Variants in CCDC169 observed in about 807,000 individuals in gnomAD.
CCDC169 encodes coiled-coil domain-containing protein 169.
Under a neutral mutation model 36.0 loss-of-function variants are expected in CCDC169, and 30 were observed. The observed-to-expected ratio is 0.83, with a 90% CI of 0.62 to 1.13. The LOEUF (loss-of-function observed/expected upper bound fraction) is 1.13, where lower values mean the gene tolerates loss of function less well. CCDC169 is among the 50% of genes most tolerant of loss of function. CCDC169 has a pLI of 0.00. For missense variants in CCDC169, 245 were observed against 245.9 expected, an observed-to-expected ratio of 1.00 and a Z score of 0.03; for synonymous variants, 85 against 81.5, an observed-to-expected ratio of 1.04 and a Z score of -0.23.
In CCDC169 at chr13:36,237,069, G is replaced by GTAT. The variant is rs144792651; in HGVS notation, c.546-5780_546-5778dup. On this transcript the variant is annotated intron_variant, in intron 7 of 7. Transcript: ENST00000239859. ...TTTTTAAAAATTATTTATTATTATT[G>GTAT]TATTATTATTATTATTATTTTCCCC... 6.0e-5 allele frequency among the ~76,000 whole-genome samples: 9 copies of GTAT among 151,012 alleles called. No homozygotes were observed. The East Asian group carries it at 1.4e-3, about 23-fold the overall frequency.
chr13:36,293,066 C>CTGAGAGTG (rs1879097719), intron 2 of CCDC169, among the ~76,000 whole-genome samples: 2 of 151,776 alleles, frequency 1.3e-5, no homozygotes, highest in South Asian at 4.2e-4. Context: ...AGCTCATTAC[C>CTGAGAGTG]TGAGAGTGTG....
chr13:36,243,564 T>C (rs1179572280), intron 7 of CCDC169, among the ~76,000 whole-genome samples: 1 of 151,926 alleles, frequency 6.6e-6, no homozygotes, highest in African/African-American at 2.4e-5. Flanking sequence ...CCCAGCACCT[T>C]GGAAGGCCAA....
Position 36,242,035 on chromosome 13 carries a change from G to A in CCDC169, c.545+6571C>T, listed in dbSNP as rs184059424. Among the ~76,000 whole-genome samples, 12 of 152,096 alleles carry A rather than the reference G, an allele frequency of 7.9e-5. No homozygotes were observed. In the East Asian group the frequency reaches 9.7e-4, roughly 12 times the overall value. On this transcript the variant is annotated intron_variant, in intron 7 of 7. Transcript: ENST00000239859. The stretch of plus-strand genomic sequence containing the variant: ...TGAAGAAGGCACTTGCTTCCCCTTC[G>A]CCCTTCCACCATGGTTGTAAGTTTC...
intron 4 of CCDC169, among the ~76,000 whole-genome samples, chr13:36,272,280 A>G (rs1304059225): frequency 2.0e-5 from 3 of 151,714 alleles, no homozygotes; most frequent in Admixed American, 6.6e-5. Context: ...TTGAAAAAAG[A>G]CATCAGGGAA....
intron 1 of CCDC169, among the ~76,000 whole-genome samples, chr13:36,297,283 T>C (rs1209386742): frequency 6.6e-6 from 1 of 152,024 alleles, no homozygotes; most frequent in Non-Finnish European, 1.5e-5. Flanking sequence ...AAACCCCGTA[T>C]AACTAAATAA....
Position 36,232,194 on chromosome 13 carries a change from G to A in CCDC169, c.546-902C>T, listed in dbSNP as rs370863460. On this transcript the variant is annotated intron_variant, in intron 7 of 7. Coordinates refer to ENST00000239859, the MANE Select transcript of CCDC169 (RefSeq NM_001144981.3). ...CATGGTAGCCTTGAAAACCAACAGCGCACAATTGCAGTGAAAACTCAGTAG... is the reference window on the plus strand; with the variant it reads ...CATGGTAGCCTTGAAAACCAACAGCACACAATTGCAGTGAAAACTCAGTAG... Among the ~76,000 whole-genome samples, 30 of 152,268 alleles carry A rather than the reference G, an allele frequency of 2.0e-4. No homozygotes were observed. In the East Asian group the frequency reaches 3.9e-3, roughly 20 times the overall value.
Position 36,238,342 on chromosome 13 carries a change from C to T in CCDC169, c.546-7050G>A, listed in dbSNP as rs189786905. 2.7e-3 allele frequency among the ~76,000 whole-genome samples: 410 copies of T among 152,246 alleles called. 4 individuals are homozygous for T. Among genetic ancestry groups the T allele is most frequent in the African/African-American group, 9.3e-3 (385 of 41,540 alleles). On this transcript the variant is annotated intron_variant, in intron 7 of 7. Coordinates refer to ENST00000239859, the MANE Select transcript of CCDC169 (RefSeq NM_001144981.3). ...AATGCAGTGGCACGAACATAGCTCA[C>T]GGCAGCCTTCAACTCCTGGGCTCAA...
At position 36,231,158 on chromosome 13, in the gene CCDC169, A is replaced by G; in HGVS notation, c.*35T>C. The G allele has an allele frequency of 4.6e-6, 7 of 1,537,226 alleles. No individual in the cohort carries two copies. Among genetic ancestry groups the G allele is most frequent in the Non-Finnish European group, 6.1e-6 (7 of 1,142,952 alleles). On this transcript the variant is annotated 3_prime_UTR_variant, in exon 8 of 8. Coordinates refer to ENST00000239859, the MANE Select transcript of CCDC169 (RefSeq NM_001144981.3). ...AACTTGAATATTATAAATGGAAAAAAAAAGGAAGAAATAGAAATCCATCCA... is the reference window on the plus strand; with the variant it reads ...AACTTGAATATTATAAATGGAAAAAGAAAGGAAGAAATAGAAATCCATCCA...
At position 36,297,734 on chromosome 13, in the gene CCDC169, G is replaced by C; in HGVS notation, c.-15C>G. On this transcript the variant is annotated 5_prime_UTR_variant, in exon 1 of 8. Coordinates refer to ENST00000239859, the MANE Select transcript of CCDC169 (RefSeq NM_001144981.3). Reference sequence around the variant, plus strand: ...TCTTCCTTCATAGTGTCAGGCCAGAGACCTCCCGCGTCTTTCCCCTCAGCA... The same window carrying C: ...TCTTCCTTCATAGTGTCAGGCCAGACACCTCCCGCGTCTTTCCCCTCAGCA... The C allele has an allele frequency of 6.5e-7, 1 of 1,550,318 alleles. No homozygotes were observed. The highest frequency in any genetic ancestry group is 1.2e-5 in the South Asian group (1 of 84,058).
chr13:36,262,427 T>C (rs1420101124), intron 4 of CCDC169, among the ~76,000 whole-genome samples: 4 of 152,234 alleles, frequency 2.6e-5, no homozygotes, highest in African/African-American at 7.2e-5. Context: ...AGTCTCCTAC[T>C]GGCCCTGTCC....
At chr13:36,295,258 C>G (rs1275130809) in intron 2 of CCDC169, among the ~76,000 whole-genome samples, 1 of 152,154 alleles carries the variant, frequency 6.6e-6, no homozygotes, top group East Asian at 1.9e-4. Flanking sequence ...CTCTTTAGAA[C>G]AGGGAAAACA....
downstream of CCDC169, chr13:36,224,517 T>C (rs1235324931): frequency 6.6e-6 from 1 of 152,082 alleles, no homozygotes; most frequent in Non-Finnish European, 1.5e-5. Context: ...AAATCGAGAA[T>C]GCAATCCAAT....
At chr13:36,248,703 T>C in intron 6 of CCDC169, 21 bp from the exon 7 acceptor site, 1 of 1,544,646 alleles carries the variant, frequency 6.5e-7, no homozygotes, top group Non-Finnish European at 8.8e-7. Context: ...AAAATTTGAG[T>C]GTTTATCCCC....
At chr13:36,297,095 G>C (rs1879597717) in intron 1 of CCDC169, among the ~76,000 whole-genome samples, 1 of 152,214 alleles carries the variant, frequency 6.6e-6, no homozygotes, top group African/African-American at 2.4e-5. Flanking sequence ...GCACAAAGGA[G>C]AGTCCAATTC....
downstream of CCDC169, among the ~76,000 whole-genome samples, chr13:36,227,802 C>T (rs1452878715): frequency 6.6e-6 from 1 of 152,162 alleles, no homozygotes; most frequent in Non-Finnish European, 1.5e-5. Context: ...GAATCCTGTA[C>T]CTATTAGCAG....
intron 4 of CCDC169, among the ~76,000 whole-genome samples, chr13:36,261,627 C>T (rs1470734526): frequency 6.6e-6 from 1 of 152,110 alleles, no homozygotes; most frequent in East Asian, 1.9e-4. Context: ...GGTTGATATC[C>T]AAGACTGGCA....
In CCDC169 at chr13:36,275,014, G is replaced by A. The variant is rs945036496; in HGVS notation, c.315+8455C>T. 3.3e-5 allele frequency among the ~76,000 whole-genome samples: 5 copies of A among 151,830 alleles called. No homozygotes were observed. The South Asian group carries it at 8.4e-4, about 25-fold the overall frequency. On this transcript the variant is annotated intron_variant, in intron 4 of 7. Transcript: ENST00000239859. Reference sequence around the variant, plus strand: ...CTCCCGAGCAGCTGGGACTACAGGCGCCCACCATCACGCCCGGCTAATTTT... The same window carrying A: ...CTCCCGAGCAGCTGGGACTACAGGCACCCACCATCACGCCCGGCTAATTTT...
chr13:36,228,377 G>C (rs1870072098), downstream of CCDC169, among the ~76,000 whole-genome samples: 1 of 151,886 alleles, frequency 6.6e-6, no homozygotes, highest in African/African-American at 2.4e-5. Flanking sequence ...GGTATGTCTT[G>C]ATATTTTGTA....
At chr13:36,287,612 T>C (rs1278853992) in intron 2 of CCDC169, among the ~76,000 whole-genome samples, 1 of 152,244 alleles carries the variant, frequency 6.6e-6, no homozygotes. Flanking sequence ...AACTGGCTTA[T>C]AAGTAAATGA....
Sources: gnomAD v4.1 joint callset for allele counts (sites outside exome capture counted in the v4.1 genomes callset) on GRCh38, gnomAD v4.1.1 for gene constraint, MANE v1.5 for transcripts, NCBI Gene and HGNC (gene_info 2026-07-23, HGNC 2026-07-21) for gene names.